SGCZ: variants seen among roughly 807,000 people sequenced by gnomAD.
The protein encoded by SGCZ is zeta-sarcoglycan.
Under a neutral mutation model 41.3 loss-of-function variants are expected in SGCZ, and 40 were observed. The ratio of observed to expected loss-of-function variants is 0.97; its 90% CI spans 0.75 to 1.26. The LOEUF (loss-of-function observed/expected upper bound fraction) is 1.26. Among genes scored for constraint, SGCZ ranks in the 50% most tolerant of loss-of-function variants. The pLI is 0.00. For missense variants in SGCZ, 552 were observed against 369.8 expected (o/e 1.49, Z -4.04); for synonymous variants, 206 against 137.5 (o/e 1.50, Z -3.49).
chr8:14,314,627 A>G (rs1454702014), intron 3 of SGCZ, among the ~76,000 whole-genome samples: 1 of 152,164 alleles, frequency 6.6e-6, no homozygotes, highest in Non-Finnish European at 1.5e-5. Context: ...AAGAATTTGA[A>G]CTACAATCAG....
At chr8:15,125,646 A>G (rs1278619342) in intron 1 of SGCZ, among the ~76,000 whole-genome samples, 1 of 152,226 alleles carries the variant, frequency 6.6e-6, no homozygotes, top group Non-Finnish European at 1.5e-5. Context: ...CTCAATGATT[A>G]GATAGAATAG....
intron 1 of SGCZ, among the ~76,000 whole-genome samples, chr8:15,020,370 A>C (rs1457098653): frequency 6.6e-6 from 1 of 152,200 alleles, no homozygotes; most frequent in African/African-American, 2.4e-5. Context: ...CAATACAGGA[A>C]CAGGCTCGTG....
chr8:14,594,081 G>T (rs908010885), intron 1 of SGCZ, among the ~76,000 whole-genome samples: 1 of 151,730 alleles, frequency 6.6e-6, no homozygotes, highest in Non-Finnish European at 1.5e-5. Flanking sequence ...AGGCTGACGT[G>T]GGAGAATTGC....
intron 5 of SGCZ, among the ~76,000 whole-genome samples, chr8:14,160,330 C>A (rs967825337): frequency 3.3e-5 from 5 of 152,136 alleles, no homozygotes; most frequent in African/African-American, 1.2e-4. Flanking sequence ...AATGAAACTG[C>A]AGATTGCAGT....
chr8:14,720,664 C>T (rs991226344), intron 1 of SGCZ, among the ~76,000 whole-genome samples: 8 of 152,012 alleles, frequency 5.3e-5, no homozygotes, highest in Admixed American at 2.0e-4. Context: ...CAGCCACATT[C>T]ATTTAAATAT....
intron 2 of SGCZ, among the ~76,000 whole-genome samples, chr8:14,473,634 C>G (rs1056473446): frequency 6.6e-6 from 1 of 151,832 alleles, no homozygotes; most frequent in Non-Finnish European, 1.5e-5. Context: ...TATATGTCAA[C>G]AGAAGTAAAA....
At chr8:14,601,401 T>C (rs1423255114) in intron 1 of SGCZ, among the ~76,000 whole-genome samples, 1 of 152,194 alleles carries the variant, frequency 6.6e-6, no homozygotes, top group Non-Finnish European at 1.5e-5. Context: ...GTTTAAATGT[T>C]ATTAAAATAC....
chr8:14,479,261 C>G (rs565934488), intron 2 of SGCZ, among the ~76,000 whole-genome samples: 1 of 138,570 alleles, frequency 7.2e-6, no homozygotes, highest in East Asian at 2.2e-4. Flanking sequence ...GTCCAAGAGT[C>G]CAAAAACTGA....
intron 1 of SGCZ, among the ~76,000 whole-genome samples, chr8:15,130,417 A>T (rs977894929): frequency 2.0e-5 from 3 of 152,220 alleles, no homozygotes; most frequent in African/African-American, 7.2e-5. Flanking sequence ...GCAAATGAGA[A>T]AAATTAATAA....
chr8:14,554,525 C>G (rs1451081009), intron 2 of SGCZ, among the ~76,000 whole-genome samples: 1 of 151,988 alleles, frequency 6.6e-6, no homozygotes, highest in African/African-American at 2.4e-5. Flanking sequence ...ATTTCCCACA[C>G]TTAAATGGCA....
intron 1 of SGCZ, among the ~76,000 whole-genome samples, chr8:14,899,870 G>C (rs1798904533): frequency 7.2e-6 from 1 of 139,396 alleles, no homozygotes; most frequent in Non-Finnish European, 1.6e-5. Context: ...AAGAAGAAGA[G>C]GAGGAGGAGA....
At chr8:14,828,823 G>A (rs936506312) in intron 1 of SGCZ, among the ~76,000 whole-genome samples, 3 of 152,118 alleles carry the variant, frequency 2.0e-5, no homozygotes, top group Non-Finnish European at 2.9e-5. Flanking sequence ...GAACATTTCA[G>A]CAGAGTCCTT....
intron 1 of SGCZ, among the ~76,000 whole-genome samples, chr8:14,665,675 C>G (rs17319033): frequency 0.047 from 7,158 of 152,204 alleles, 249 homozygotes; most frequent in Non-Finnish European, 0.072. Flanking sequence ...CATCTTGGAG[C>G]TTTTCATACC....
intron 1 of SGCZ, among the ~76,000 whole-genome samples, chr8:14,824,666 A>C (rs1327864724): frequency 6.6e-6 from 1 of 152,056 alleles, no homozygotes; most frequent in African/African-American, 2.4e-5. Context: ...AATATGAATT[A>C]ATCCTAAAAT....
At chr8:15,129,326 C>T (rs2116969137) in intron 1 of SGCZ, among the ~76,000 whole-genome samples, 1 of 152,276 alleles carries the variant, frequency 6.6e-6, no homozygotes, top group East Asian at 1.9e-4. Context: ...TCAAAGCTTG[C>T]CACAGTTAAC....
At chr8:14,933,835 C>T (rs567565235) in intron 1 of SGCZ, among the ~76,000 whole-genome samples, 1 of 151,926 alleles carries the variant, frequency 6.6e-6, no homozygotes, top group African/African-American at 2.4e-5. Flanking sequence ...GGCCAGTGCT[C>T]GTACCATACC....
chr8:14,160,721 A>G (rs1402228815), intron 5 of SGCZ, among the ~76,000 whole-genome samples: 1 of 152,088 alleles, frequency 6.6e-6, no homozygotes, highest in Non-Finnish European at 1.5e-5. Context: ...TTACCATTTT[A>G]CTTCTGTGTC....
intron 2 of SGCZ, among the ~76,000 whole-genome samples, chr8:14,467,424 G>A (rs911135888): frequency 2.0e-5 from 3 of 151,958 alleles, no homozygotes; most frequent in African/African-American, 7.2e-5. Flanking sequence ...ACCAATCTGA[G>A]CACAAATCTC....
At chr8:14,559,750 TATC>T (rs1269409687) in intron 1 of SGCZ, among the ~76,000 whole-genome samples, 2 of 152,144 alleles carry the variant, frequency 1.3e-5, no homozygotes, top group African/African-American at 4.8e-5. Flanking sequence ...GCTATTAAAA[TATC>T]ATAATTTTAA....
Sources: gnomAD v4.1 joint callset for allele counts (sites outside exome capture counted in the v4.1 genomes callset) on GRCh38, gnomAD v4.1.1 for gene constraint, MANE v1.5 for transcripts, NCBI Gene and HGNC (gene_info 2026-07-23, HGNC 2026-07-21) for gene names.